The following GRM7 variants were observed in gnomAD, a reference collection of about 807,000 sequenced individuals.
GRM7 encodes the protein metabotropic glutamate receptor 7.
In GRM7, 35 loss-of-function variants were observed where a neutral mutation model predicts 84.5. That is an observed-to-expected ratio of 0.41 (90% confidence interval 0.32 to 0.55). The LOEUF is 0.55. Ranked by LOEUF, GRM7 falls within the 20% of genes least tolerant of loss-of-function variation. The pLI is 0.19. For synonymous variants in GRM7, 487 were observed against 455.1 expected (o/e 1.07, Z -0.89); for missense variants, 1,003 against 1,194.6 (o/e 0.84, Z 2.36).
chr3:7,030,766 T>G (rs1432079423), intron 1 of GRM7, among the ~76,000 whole-genome samples: 1 of 152,216 alleles, frequency 6.6e-6, no homozygotes, highest in Non-Finnish European at 1.5e-5. Flanking sequence ...GTATTGAAAT[T>G]TAATAGAAAA....
intron 1 of GRM7, among the ~76,000 whole-genome samples, chr3:6,976,481 T>C (rs959176079): frequency 2.0e-5 from 3 of 152,198 alleles, no homozygotes; most frequent in Non-Finnish European, 4.4e-5. Context: ...GTTTGCACTT[T>C]ATTGTTCCAG....
intron 4 of GRM7, among the ~76,000 whole-genome samples, chr3:7,343,576 A>T (rs879547568): frequency 6.6e-6 from 1 of 152,156 alleles, no homozygotes; most frequent in Non-Finnish European, 1.5e-5. Context: ...AAATTAATGC[A>T]CAGAGGTCTA....
intron 7 of GRM7, among the ~76,000 whole-genome samples, chr3:7,518,740 T>C (rs1559375559): frequency 6.6e-6 from 1 of 152,168 alleles, no homozygotes; most frequent in African/African-American, 2.4e-5. Flanking sequence ...AAATAGAAAT[T>C]AGTAAGAAGG....
In GRM7 at chr3:7,459,676, G is replaced by C. The variant is rs112598218; in HGVS notation, c.1376-1907G>C. Among the ~76,000 whole-genome samples the C allele has an allele frequency of 5.5e-3, 838 of 152,208 alleles. 11 individuals carry two copies. Among genetic ancestry groups the C allele is most frequent in the African/African-American group, 0.019 (782 of 41,516 alleles). ...ACAGTATGGGGGAAACTGCCCGCAT[G>C]ATTCAATTATGTCCCACTGGGTCCC... On this transcript the variant is annotated intron_variant, in intron 6 of 9. Coordinates refer to ENST00000357716, the MANE Select transcript of GRM7 (RefSeq NM_000844.4).
At chr3:7,706,908 C>G (rs1329159755) in intron 9 of GRM7, among the ~76,000 whole-genome samples, 3 of 152,106 alleles carry the variant, frequency 2.0e-5, no homozygotes, top group Non-Finnish European at 4.4e-5. Flanking sequence ...AGGAGGCACC[C>G]AGACCAGCAA....
chr3:7,381,324 T>G (rs1335848685), intron 4 of GRM7, among the ~76,000 whole-genome samples: 1 of 152,178 alleles, frequency 6.6e-6, no homozygotes, highest in Non-Finnish European at 1.5e-5. Context: ...GTTTATTCAT[T>G]ATTCATTCAT....
chr3:7,192,240 G>A (rs1192803382), intron 2 of GRM7, among the ~76,000 whole-genome samples: 1 of 152,032 alleles, frequency 6.6e-6, no homozygotes, highest in Non-Finnish European at 1.5e-5. Context: ...TATTACCAAG[G>A]ACCCGAAGAA....
chr3:7,624,344 T>G (rs1337104513), intron 8 of GRM7, among the ~76,000 whole-genome samples: 1 of 152,090 alleles, frequency 6.6e-6, no homozygotes, highest in Non-Finnish European at 1.5e-5. Context: ...GTTAAGGATT[T>G]GAAGTAGGAT....
At chr3:7,700,774 A>T (rs577494674) in intron 9 of GRM7, among the ~76,000 whole-genome samples, 62 of 152,338 alleles carry the variant, frequency 4.1e-4, no homozygotes, top group Admixed American at 7.2e-4. Flanking sequence ...TGTTAGGGAA[A>T]AAAAGGACAC....
At chr3:6,924,552 G>C (rs921169701) in intron 1 of GRM7, among the ~76,000 whole-genome samples, 2 of 152,086 alleles carry the variant, frequency 1.3e-5, no homozygotes, top group Admixed American at 6.6e-5. Flanking sequence ...AGTGAAGATT[G>C]AGAACTCTAC....
chr3:7,146,624 G>T lies in GRM7; in HGVS notation c.692G>T (p.Gly231Val). Residue 231 changes from glycine to valine, a missense_variant, in exon 2 of 10, where the codon GGA (glycine) becomes GTA (valine). Transcript: ENST00000357716. ...ACCCTCGCATCGGAAGGAAGTTATG[G>T]AGAGAAAGGTGTGGAGTCCTTCACG... ...VSTLASEGSY[G>V]EKGVESFTQI... 1 of 1,613,952 alleles carries T rather than the reference G, an allele frequency of 6.2e-7. No homozygotes were observed. The highest frequency in any genetic ancestry group is 8.5e-7 in the Non-Finnish European group (1 of 1,179,934).
At chr3:7,670,357 G>A (rs1050333596) in intron 8 of GRM7, among the ~76,000 whole-genome samples, 18 of 152,256 alleles carry the variant, frequency 1.2e-4, no homozygotes, top group African/African-American at 4.3e-4. Context: ...ATTAACAAGA[G>A]GAAAGAGAAG....
chr3:7,338,114 G>GTACA (rs1559247622), intron 4 of GRM7, among the ~76,000 whole-genome samples: 1 of 106,090 alleles, frequency 9.4e-6, no homozygotes, highest in East Asian at 2.5e-4. Flanking sequence ...ATATATTTAT[G>GTACA]TACACACACA....
chr3:7,562,262 G>A (rs1455972573), intron 7 of GRM7, among the ~76,000 whole-genome samples: 3 of 151,920 alleles, frequency 2.0e-5, no homozygotes, highest in Non-Finnish European at 4.4e-5. Flanking sequence ...CCAGTCAGCA[G>A]GAGGTGCATG....
chr3:7,536,841 A>T (rs2125011363), intron 7 of GRM7, among the ~76,000 whole-genome samples: 1 of 152,340 alleles, frequency 6.6e-6, no homozygotes, highest in South Asian at 2.1e-4. Context: ...AGATAGAATC[A>T]TTTGACTATG....
At chr3:6,987,723 G>A (rs964425704) in intron 1 of GRM7, among the ~76,000 whole-genome samples, 1 of 152,170 alleles carries the variant, frequency 6.6e-6, no homozygotes, top group African/African-American at 2.4e-5. Flanking sequence ...TGTATGACCT[G>A]CTTACTATAT....
intron 4 of GRM7, among the ~76,000 whole-genome samples, chr3:7,409,703 C>T (rs1695839525): frequency 6.6e-6 from 1 of 152,078 alleles, no homozygotes; most frequent in African/African-American, 2.4e-5. Flanking sequence ...TGGGTTCAAG[C>T]AGTTCTCCTG....
At chr3:7,447,691 A>G (rs537127155) in intron 5 of GRM7, among the ~76,000 whole-genome samples, 11 of 152,004 alleles carry the variant, frequency 7.2e-5, no homozygotes, top group Admixed American at 3.3e-4. Context: ...TCTTTGTAAG[A>G]ATAAATAAAC....
intron 1 of GRM7, among the ~76,000 whole-genome samples, chr3:6,894,975 A>G (rs1461542604): frequency 6.6e-6 from 1 of 152,184 alleles, no homozygotes; most frequent in Admixed American, 6.6e-5. Context: ...TGATCCTATA[A>G]CAAGTAACAA....
Sources: allele counts gnomAD v4.1 joint callset (sites outside exome capture counted in the v4.1 genomes callset), GRCh38; gene constraint gnomAD v4.1.1; transcripts MANE v1.5; gene names NCBI Gene and HGNC (gene_info 2026-07-23, HGNC 2026-07-21).